The following CNOT1 variants were observed in gnomAD, a reference collection of about 807,000 sequenced individuals.
The protein encoded by CNOT1 is CCR4-NOT transcription complex subunit 1.
CNOT1 carries 15 observed loss-of-function variants against 273.8 expected under a neutral mutation model. That is an observed-to-expected ratio of 0.05 (90% CI 0.04 to 0.08). The LOEUF (loss-of-function observed/expected upper bound fraction) is 0.08, where lower values mean the gene tolerates loss of function less well. Among genes scored for constraint, CNOT1 ranks in the 10% least tolerant of loss-of-function variants. The pLI, the probability that CNOT1 is intolerant of heterozygous loss-of-function variation, is 1.00. For synonymous variants in CNOT1, 1,022 were observed against 1,005.5 expected, an observed-to-expected ratio of 1.02 and a Z score of -0.31; for missense variants, 1,644 against 2,912.2, an observed-to-expected ratio of 0.56 and a Z score of 10.02.
At chr16:58,626,530 C>G (rs1597635025) in intron 1 of CNOT1, among the ~76,000 whole-genome samples, 2 of 151,354 alleles carry the variant, frequency 1.3e-5, no homozygotes, top group East Asian at 3.9e-4. Flanking sequence ...GGGAGGCCGA[C>G]GCGGGTGGAT....
chr16:58,572,053 G>A (rs1194317246), intron 16 of CNOT1, among the ~76,000 whole-genome samples: 2 of 152,194 alleles, frequency 1.3e-5, no homozygotes, highest in African/African-American at 4.8e-5. Context: ...GGACGCCAAG[G>A]CGGGCGGATC....
At chr16:58,594,809 A>AAAAAAG (rs550165484) in intron 2 of CNOT1, among the ~76,000 whole-genome samples, 8 of 151,116 alleles carry the variant, frequency 5.3e-5, no homozygotes, top group African/African-American at 2.0e-4. Context: ...CATTAAAAAA[A>AAAAAAG]AAAAAGAAAA....
chr16:58,537,480 C>T (rs1052227824), intron 38 of CNOT1, among the ~76,000 whole-genome samples: 14 of 152,172 alleles, frequency 9.2e-5, no homozygotes, highest in Non-Finnish European at 1.5e-4. Flanking sequence ...TGTTCAGAGT[C>T]GACAAATATT....
chr16:58,618,454 C>T (rs943395543), intron 1 of CNOT1, among the ~76,000 whole-genome samples: 4 of 151,938 alleles, frequency 2.6e-5, no homozygotes, highest in Admixed American at 1.3e-4. Context: ...TGGTGGTGCA[C>T]ATCTGTAATC....
chr16:58,541,815 A>G (rs1370073770), intron 33 of CNOT1, among the ~76,000 whole-genome samples, 195 bp from the exon 34 acceptor site: 1 of 152,218 alleles, frequency 6.6e-6, no homozygotes, highest in Non-Finnish European at 1.5e-5. Flanking sequence ...TCCTGCTAAG[A>G]GTCACCTCAT....
chr16:58,580,784 C>G, intron 11 of CNOT1, 24 bp from the exon 12 acceptor site: 4 of 1,596,240 alleles, frequency 2.5e-6, no homozygotes, highest in Non-Finnish European at 3.4e-6. Flanking sequence ...AAATGCTTAC[C>G]ACCATAAATG....
At position 58,558,467 on chromosome 16, in the gene CNOT1, C is replaced by T. The variant is rs1285939589; in HGVS notation, c.2332+6G>A. ...TAATCCATGCTCTCATTTGCCTCCC[C>T]CTTACCTGGAAGCTGTGATGAAAGT... On this transcript the variant is annotated splice_donor_region_variant and intron_variant, in intron 18 of 48. Coordinates refer to ENST00000317147, the MANE Select transcript of CNOT1 (RefSeq NM_016284.5). The T allele has an allele frequency of 4.3e-6, 7 of 1,613,692 alleles. No individual in the cohort carries two copies. In the African/African-American group the frequency reaches 8.0e-5, roughly 18 times the overall value.
At chr16:58,528,762 C>CTTTA (rs1286992244) in intron 43 of CNOT1, 114 bp from the exon 44 acceptor site, 1 of 620,182 alleles carries the variant, frequency 1.6e-6, no homozygotes, top group Non-Finnish European at 2.7e-6. Flanking sequence ...ACTTTAGTAA[C>CTTTA]ATTTCTTAAA....
chr16:58,567,551 C>CAAAA (rs35372389), intron 16 of CNOT1, among the ~76,000 whole-genome samples: 3 of 111,658 alleles, frequency 2.7e-5, no homozygotes, highest in Non-Finnish European at 3.5e-5. Flanking sequence ...GACATCATCT[C>CAAAA]AAAAAAAAAA....
intron 1 of CNOT1, among the ~76,000 whole-genome samples, chr16:58,607,136 C>G (rs1450945486): frequency 6.6e-6 from 1 of 152,010 alleles, no homozygotes; most frequent in Non-Finnish European, 1.5e-5. Flanking sequence ...AATAAGGTCT[C>G]GATCAATAGC....
chr16:58,557,719 T>C (rs922449981), intron 18 of CNOT1, among the ~76,000 whole-genome samples: 22 of 152,354 alleles, frequency 1.4e-4, no homozygotes, highest in African/African-American at 5.0e-4. Context: ...CCAAGCGCAG[T>C]GGCTCATGCC....
chr16:58,530,101 T>C lies in CNOT1; in HGVS notation c.6279+145A>G, dbSNP rs570273340. 18 of 582,862 alleles carry C rather than the reference T, an allele frequency of 3.1e-5. No homozygotes were observed. The South Asian group carries it at 3.5e-4, about 11-fold the overall frequency. 36.1% of individuals were successfully genotyped at this position (582,862 alleles called of 1,614,324 possible). ...CACTGTACAATTTGGGTGCTAGTTATGCAAGTACACTTGATTTTTACACTT... is the reference window on the plus strand; with the variant it reads ...CACTGTACAATTTGGGTGCTAGTTACGCAAGTACACTTGATTTTTACACTT... On this transcript the variant is annotated intron_variant, in intron 43 of 48. Coordinates refer to ENST00000317147, the MANE Select transcript of CNOT1 (RefSeq NM_016284.5).
chr16:58,560,328 T>G lies in CNOT1; in HGVS notation c.2014A>C (p.Thr672Pro). The change falls in exon 17 of 49, where the codon ACC becomes CCC. Residue 672 changes from threonine (T) to proline (P), a missense_variant. Transcript: ENST00000317147. Reference protein sequence around the residue: ...VSQELSETILTMVANCSNVMN... With the variant: ...VSQELSETILPMVANCSNVMN... ...ACATTACTGCAATTGGCTACCATGG[T>G]GAGGATAGTTTCTGATAGCTCCTGA... The G allele has an allele frequency of 1.2e-6, 2 of 1,614,150 alleles. No homozygotes were observed. The highest frequency in any genetic ancestry group is 1.7e-6 in the Non-Finnish European group (2 of 1,180,026).
rs191511970 is a variant in CNOT1, at chr16:58,559,440, A to C, written c.2131-766T>G. 2.6e-5 allele frequency among the ~76,000 whole-genome samples: 4 copies of C among 152,378 alleles called. No individual in the cohort carries two copies. The East Asian group carries it at 7.7e-4, about 29-fold the overall frequency. ...AAGTTTCAACATAAATAAAAGTATTAGAAATTAGAAACGAATCTCCCAAAA... is the reference window on the plus strand; with the variant it reads ...AAGTTTCAACATAAATAAAAGTATTCGAAATTAGAAACGAATCTCCCAAAA... On this transcript the variant is annotated intron_variant, in intron 17 of 48. Transcript: ENST00000317147.
At chr16:58,572,046 C>T (rs543118600) in intron 16 of CNOT1, among the ~76,000 whole-genome samples, 21 of 151,584 alleles carry the variant, frequency 1.4e-4, no homozygotes, top group East Asian at 2.0e-4. Context: ...CACTTTGGGA[C>T]GCCAAGGCGG....
chr16:58,569,711 A>T, intron 16 of CNOT1, among the ~76,000 whole-genome samples: 1 of 124,040 alleles, frequency 8.1e-6, no homozygotes. Context: ...ATGAAAAAAA[A>T]GGGGGTGGGG....
intron 16 of CNOT1, among the ~76,000 whole-genome samples, chr16:58,566,056 T>C (rs2041030659): frequency 6.6e-6 from 1 of 152,228 alleles, no homozygotes; most frequent in Non-Finnish European, 1.5e-5. Flanking sequence ...TACCTTGTAT[T>C]CTTCTCAGTG....
At chr16:58,608,008 C>T (rs1352175947) in intron 1 of CNOT1, among the ~76,000 whole-genome samples, 1 of 151,646 alleles carries the variant, frequency 6.6e-6, no homozygotes, top group Non-Finnish European at 1.5e-5. Flanking sequence ...CCTGTCTCTA[C>T]TAAAAAATAC....
chr16:58,544,358 T>C (rs37040), intron 30 of CNOT1, among the ~76,000 whole-genome samples: 37,478 of 152,076 alleles, frequency 0.25, 5,033 homozygotes, highest in East Asian at 0.38. Flanking sequence ...ACTGAAGTAT[T>C]TGGCTTCATT....
Sources: allele counts gnomAD v4.1 joint callset (sites outside exome capture counted in the v4.1 genomes callset), GRCh38; gene constraint gnomAD v4.1.1; transcripts MANE v1.5; gene names NCBI Gene and HGNC (gene_info 2026-07-23, HGNC 2026-07-21).